UBE2K: variants seen among roughly 807,000 people sequenced by gnomAD.
UBE2K encodes the protein ubiquitin conjugating enzyme E2 K.
A neutral mutation model predicts 30.0 loss-of-function variants in UBE2K; 6 were observed. The observed-to-expected ratio is 0.20, with a 90% CI of 0.11 to 0.39. UBE2K has a LOEUF of 0.39. Ranked by LOEUF, UBE2K falls within the 10% of genes least tolerant of loss-of-function variation. UBE2K has a pLI of 1.00. For synonymous variants in UBE2K, 86 were observed against 83.7 expected, an observed-to-expected ratio of 1.03 and a Z score of -0.15; for missense variants, 61 against 241.6, an observed-to-expected ratio of 0.25 and a Z score of 4.96.
intron 1 of UBE2K, among the ~76,000 whole-genome samples, chr4:39,735,907 G>A (rs1720352076): frequency 6.6e-6 from 1 of 152,058 alleles, no homozygotes; most frequent in South Asian, 2.1e-4. Context: ...GATTAATTTG[G>A]AGTGATGTGA....
intron 3 of UBE2K, among the ~76,000 whole-genome samples, chr4:39,753,357 A>AG (rs964065977): frequency 2.0e-5 from 3 of 152,064 alleles, no homozygotes; most frequent in African/African-American, 7.2e-5. Context: ...CTGGGGGGGA[A>AG]AAAAGGGAGA....
chr4:39,779,042 A>ACCCCCCCCCCCCCCCCCCTCTCCC lies in UBE2K; in HGVS notation c.*616_*617insCCCCCCCCCCTCTCCCCCCCCCCC, dbSNP rs3839130. The ACCCCCCCCCCCCCCCCCCTCTCCC allele has an allele frequency of 7.8e-6, 1 of 128,224 alleles. No individual in the cohort carries two copies. Among genetic ancestry groups the ACCCCCCCCCCCCCCCCCCTCTCCC allele is most frequent in the Non-Finnish European group, 1.6e-5 (1 of 62,680 alleles). 7.9% of individuals were successfully genotyped at this position (128,224 alleles called of 1,614,324 possible). ...TGGGACAGTGTCTGATTCCCCCTTC[A>ACCCCCCCCCCCCCCCCCCTCTCCC]CCCCCCCCACCCCCGCCTTGCCACA... On this transcript the variant is annotated 3_prime_UTR_variant, in exon 7 of 7. Coordinates refer to ENST00000261427, the MANE Select transcript of UBE2K (RefSeq NM_005339.5).
intron 2 of UBE2K, among the ~76,000 whole-genome samples, chr4:39,744,526 A>G (rs1405388563): frequency 1.3e-5 from 2 of 152,150 alleles, no homozygotes; most frequent in South Asian, 2.1e-4. Flanking sequence ...GATAACTTCA[A>G]AACGAAACAA....
intron 1 of UBE2K, among the ~76,000 whole-genome samples, chr4:39,734,338 CTGT>C (rs1720238477): frequency 4.6e-5 from 7 of 152,224 alleles, no homozygotes; most frequent in Admixed American, 4.6e-4. Flanking sequence ...GCCTCCCAAA[CTGT>C]TGGGATTACA....
chr4:39,766,098 C>A (rs1712315265), intron 4 of UBE2K, among the ~76,000 whole-genome samples: 2 of 151,908 alleles, frequency 1.3e-5, no homozygotes, highest in Admixed American at 1.3e-4. Flanking sequence ...GCTTTCAGTT[C>A]TTTTGGATGT....
Position 39,741,653 on chromosome 4 carries a change from G to A in UBE2K, c.158-4099G>A, listed in dbSNP as rs556261277. Reference sequence around the variant, plus strand: ...TCAGATTGTGAAGTAGAGTACTCACGGGAAAATGCCATATTGTGGATGTTA... The same window carrying A: ...TCAGATTGTGAAGTAGAGTACTCACAGGAAAATGCCATATTGTGGATGTTA... On this transcript the variant is annotated intron_variant, in intron 2 of 6. Transcript: ENST00000261427. Among the ~76,000 whole-genome samples the A allele has an allele frequency of 3.9e-5, 6 of 152,236 alleles. No homozygotes were observed. In the South Asian group the frequency reaches 6.2e-4, roughly 16 times the overall value.
Position 39,777,771 on chromosome 4 carries a change from C to CA in UBE2K, c.496dup (p.Ile166AsnfsTer10). The CA allele has an allele frequency of 1.9e-6, 3 of 1,544,864 alleles. No individual in the cohort carries two copies. Among genetic ancestry groups the CA allele is most frequent in the Admixed American group, 2.3e-5 (1 of 43,538 alleles). ...CACCAGTTTCTAGTCCAGAATACAC[C>CA]AAAAAAATAGAAAACCTATGTGCTA... is the stretch of plus-strand genomic sequence containing the variant. On this transcript the variant is annotated frameshift_variant, in exon 6 of 7. Transcript: ENST00000261427. LOFTEE classifies it high-confidence loss of function.
intron 2 of UBE2K, among the ~76,000 whole-genome samples, chr4:39,738,962 A>C (rs1005864101): frequency 5.3e-5 from 8 of 151,944 alleles, no homozygotes; most frequent in African/African-American, 1.9e-4. Context: ...GGCGTGAGCC[A>C]CCAATCCCGG....
intron 2 of UBE2K, among the ~76,000 whole-genome samples, chr4:39,744,780 G>A (rs1453114082): frequency 6.6e-6 from 1 of 151,292 alleles, no homozygotes; most frequent in Non-Finnish European, 1.5e-5. Context: ...GGTGATGGGC[G>A]CCTGTAGTCT....
intron 1 of UBE2K, among the ~76,000 whole-genome samples, chr4:39,733,272 A>AT (rs908862492): frequency 4.0e-5 from 6 of 148,422 alleles, no homozygotes; most frequent in Admixed American, 3.3e-4. Context: ...TAGATACTAC[A>AT]TTTTTTTCTT....
chr4:39,737,311 G>A (rs1560358137), intron 1 of UBE2K, 109 bp from the exon 2 acceptor site: 2 of 544,846 alleles, frequency 3.7e-6, no homozygotes, highest in East Asian at 3.3e-5. Flanking sequence ...TTTTACTAGA[G>A]CAGATAATCA....
intron 1 of UBE2K, among the ~76,000 whole-genome samples, chr4:39,732,672 CTT>C (rs10650873): frequency 5.2e-5 from 6 of 115,102 alleles, no homozygotes; most frequent in Non-Finnish European, 8.5e-5. Context: ...CTTCTTCCCT[CTT>C]TTTTTTTTTT....
At position 39,779,441 on chromosome 4, in the gene UBE2K, C is replaced by A. The variant is rs1560385446; in HGVS notation, c.*1007C>A. 6.6e-6 allele frequency: 1 copy of A among 152,574 alleles called. No individual in the cohort carries two copies. Among genetic ancestry groups the A allele is most frequent in the Non-Finnish European group, 1.5e-5 (1 of 68,042 alleles). 9.5% of individuals were successfully genotyped at this position (152,574 alleles called of 1,614,324 possible). Reference sequence around the variant, plus strand: ...ATAGAGATTGCTTTATTGGATACTTCAAGTCATTCTTGCTTGCACTTCCCC... The same window carrying A: ...ATAGAGATTGCTTTATTGGATACTTAAAGTCATTCTTGCTTGCACTTCCCC... On this transcript the variant is annotated 3_prime_UTR_variant, in exon 7 of 7. Transcript: ENST00000261427.
chr4:39,709,539 T>C (rs1378868653), intron 1 of UBE2K, among the ~76,000 whole-genome samples: 2 of 152,116 alleles, frequency 1.3e-5, no homozygotes, highest in Non-Finnish European at 2.9e-5. Context: ...TATATTGTTA[T>C]AATTACTCCA....
In UBE2K at chr4:39,703,475, C is replaced by T. The variant is rs377525890; in HGVS notation, c.63+5085C>T. Among the ~76,000 whole-genome samples the T allele has an allele frequency of 3.5e-3, 527 of 152,036 alleles. 4 individuals carry two copies. The highest frequency in any genetic ancestry group is 0.012 in the African/African-American group (495 of 41,518). On this transcript the variant is annotated intron_variant, in intron 1 of 6. Transcript: ENST00000261427. ...CTGCAGTGAATTGTGATCATGTGACCGCACTTTAGCCTGGGCATCAGCGAG... is the reference window on the plus strand; with the variant it reads ...CTGCAGTGAATTGTGATCATGTGACTGCACTTTAGCCTGGGCATCAGCGAG...
intron 3 of UBE2K, among the ~76,000 whole-genome samples, chr4:39,754,421 A>G (rs1721423588): frequency 1.3e-5 from 2 of 152,202 alleles, no homozygotes; most frequent in South Asian, 4.1e-4. Flanking sequence ...GGAAGTAGAA[A>G]TAGGTAGTGT....
chr4:39,731,807 A>G (rs1720088540), intron 1 of UBE2K, among the ~76,000 whole-genome samples: 1 of 152,244 alleles, frequency 6.6e-6, no homozygotes, highest in South Asian at 2.1e-4. Flanking sequence ...TTTCCAACTA[A>G]ATTAGGAAGA....
chr4:39,702,543 T>G (rs1410087253), intron 1 of UBE2K, among the ~76,000 whole-genome samples: 2 of 152,114 alleles, frequency 1.3e-5, no homozygotes, highest in African/African-American at 4.8e-5. Context: ...AGTGAGCTAC[T>G]GCACCTGGCC....
At chr4:39,775,009 C>A (rs1010646319) in intron 5 of UBE2K, 76 bp downstream of exon 5, 14 of 851,962 alleles carry the variant, frequency 1.6e-5, no homozygotes, top group Non-Finnish European at 2.3e-5. Context: ...TGCACATTAA[C>A]ACATGAGCAT....
Sources: allele counts gnomAD v4.1 joint callset (sites outside exome capture counted in the v4.1 genomes callset), GRCh38; gene constraint gnomAD v4.1.1; transcripts MANE v1.5; gene names NCBI Gene and HGNC (gene_info 2026-07-23, HGNC 2026-07-21).